PRKCA: variants seen among roughly 807,000 people sequenced by gnomAD.
PRKCA encodes protein kinase C alpha.
In PRKCA, 27 loss-of-function variants were observed where a neutral mutation model predicts 87.0. That is an observed-to-expected ratio of 0.31 (90% confidence interval 0.23 to 0.43). PRKCA has a LOEUF of 0.43. Among genes scored for constraint, PRKCA ranks in the 20% least tolerant of loss-of-function variants. The pLI, the probability that PRKCA is intolerant of heterozygous loss-of-function variation, is 1.00. For synonymous variants in PRKCA, 329 were observed against 311.1 expected, an observed-to-expected ratio of 1.06 and a Z score of -0.61; for missense variants, 518 against 852.3, an observed-to-expected ratio of 0.61 and a Z score of 4.88.
chr17:66,795,150 T>C (rs1424667192), intron 16 of PRKCA, among the ~76,000 whole-genome samples: 1 of 152,216 alleles, frequency 6.6e-6, no homozygotes, highest in East Asian at 1.9e-4. Flanking sequence ...GGACATCTCC[T>C]GGTACTATGT....
chr17:66,604,298 T>C (rs1444615410), intron 3 of PRKCA, among the ~76,000 whole-genome samples: 1 of 152,128 alleles, frequency 6.6e-6, no homozygotes, highest in African/African-American at 2.4e-5. Context: ...ATAATAAACA[T>C]TTTCTTAAAC....
At chr17:66,496,480 G>A (rs72842166) in intron 3 of PRKCA, among the ~76,000 whole-genome samples, 197 bp downstream of exon 3, 21,295 of 152,218 alleles carry the variant, frequency 0.14, 1,795 homozygotes, top group East Asian at 0.3. Context: ...TTTCTCAGAG[G>A]AGAATTTCTT....
At chr17:66,324,566 T>C (rs555746838) in intron 2 of PRKCA, among the ~76,000 whole-genome samples, 2 of 152,178 alleles carry the variant, frequency 1.3e-5, no homozygotes, top group African/African-American at 4.8e-5. Flanking sequence ...TGAGCTGGGA[T>C]TGTGCCACTG....
chr17:66,595,221 A>ATGG (rs922341208), intron 3 of PRKCA, among the ~76,000 whole-genome samples: 1 of 151,988 alleles, frequency 6.6e-6, no homozygotes, highest in African/African-American at 2.4e-5. Context: ...AGGCTGGAGT[A>ATGG]TGGTGGTGTG....
At chr17:66,685,349 G>T (rs375847664) in intron 5 of PRKCA, among the ~76,000 whole-genome samples, 1 of 152,162 alleles carries the variant, frequency 6.6e-6, no homozygotes, top group Non-Finnish European at 1.5e-5. Context: ...GGCAGAGTTT[G>T]CATGTACACC....
intron 2 of PRKCA, among the ~76,000 whole-genome samples, chr17:66,422,578 G>A (rs958144246): frequency 6.6e-6 from 1 of 152,168 alleles, no homozygotes; most frequent in Non-Finnish European, 1.5e-5. Context: ...TGGCTTCAGG[G>A]CTCTGTGCAA....
intron 3 of PRKCA, among the ~76,000 whole-genome samples, chr17:66,624,892 G>C (rs987856697): frequency 6.6e-6 from 1 of 152,070 alleles, no homozygotes; most frequent in African/African-American, 2.4e-5. Flanking sequence ...GAAATTTAAA[G>C]AATTCATTAG....
intron 5 of PRKCA, among the ~76,000 whole-genome samples, chr17:66,656,265 TA>T (rs1200364879): frequency 1.7e-4 from 26 of 152,334 alleles, no homozygotes; most frequent in Admixed American, 1.2e-3. Context: ...AGATTCTTTA[TA>T]GGGTCATCAG....
chr17:66,521,325 A>G (rs1279690179), intron 3 of PRKCA, among the ~76,000 whole-genome samples: 1 of 152,220 alleles, frequency 6.6e-6, no homozygotes, highest in African/African-American at 2.4e-5. Flanking sequence ...GTAAAGTATA[A>G]TGACCATAAA....
intron 3 of PRKCA, among the ~76,000 whole-genome samples, chr17:66,617,415 T>A (rs1396717455): frequency 6.6e-6 from 1 of 152,118 alleles, no homozygotes; most frequent in Admixed American, 6.5e-5. Context: ...GCTTCGTGGA[T>A]ATCAAAGGGG....
chr17:66,447,777 A>T (rs774553867), intron 2 of PRKCA, among the ~76,000 whole-genome samples: 13 of 151,986 alleles, frequency 8.6e-5, no homozygotes, highest in Non-Finnish European at 1.5e-5. Flanking sequence ...TTCCAGTTTC[A>T]CCTGGGGCTA....
chr17:66,798,300 A>G (rs1241183438), intron 16 of PRKCA, among the ~76,000 whole-genome samples: 3 of 151,162 alleles, frequency 2.0e-5, no homozygotes, highest in African/African-American at 7.3e-5. Context: ...TTAGGAATGC[A>G]GTACCTTCTT....
At chr17:66,594,219 C>T (rs1255535892) in intron 3 of PRKCA, among the ~76,000 whole-genome samples, 2 of 152,222 alleles carry the variant, frequency 1.3e-5, no homozygotes, top group African/African-American at 4.8e-5. Flanking sequence ...TCCAAGGACA[C>T]TGTGGGAAGA....
chr17:66,346,096 CTTT>C (rs1166100613), intron 2 of PRKCA, among the ~76,000 whole-genome samples: 5 of 133,316 alleles, frequency 3.8e-5, no homozygotes, highest in Non-Finnish European at 8.0e-5. Flanking sequence ...TCTTTTTTTG[CTTT>C]TTTTTTTTTT....
rs12940730 is a variant in PRKCA at position 66,566,479 on chromosome 17, G to T, written c.288+70196G>T. Among the ~76,000 whole-genome samples, 468 of 74,626 alleles carry T rather than the reference G, an allele frequency of 6.3e-3. 9 individuals are homozygous for T. Among genetic ancestry groups the T allele is most frequent in the African/African-American group, 0.012 (260 of 21,380 alleles). 49.0% of individuals were successfully genotyped at this position (74,626 alleles called of 152,430 possible). On this transcript the variant is annotated intron_variant, in intron 3 of 16. Coordinates refer to ENST00000413366, the MANE Select transcript of PRKCA (RefSeq NM_002737.3). ...TTGTGAAGAACTGTTGTTGTTTTTTGGTTTTTTTTTTTTTTTTTTTTTTGC... is the reference window on the plus strand; with the variant it reads ...TTGTGAAGAACTGTTGTTGTTTTTTTGTTTTTTTTTTTTTTTTTTTTTTGC...
intron 3 of PRKCA, among the ~76,000 whole-genome samples, chr17:66,508,874 A>G (rs1488944773): frequency 6.6e-6 from 1 of 152,046 alleles, no homozygotes; most frequent in Non-Finnish European, 1.5e-5. Context: ...TAATGTGATT[A>G]TGCACTCTCT....
At chr17:66,546,063 A>T (rs942695731) in intron 3 of PRKCA, among the ~76,000 whole-genome samples, 2 of 152,224 alleles carry the variant, frequency 1.3e-5, no homozygotes, top group Admixed American at 1.3e-4. Context: ...CGAGTTTCAT[A>T]TAGACAGTAT....
chr17:66,533,247 C>T (rs1474746952), intron 3 of PRKCA, among the ~76,000 whole-genome samples: 1 of 152,224 alleles, frequency 6.6e-6, no homozygotes, highest in East Asian at 1.9e-4. Flanking sequence ...CCCATCACGT[C>T]TTCTCTTAAC....
At chr17:66,802,625 A>G (rs1322793765) in intron 16 of PRKCA, among the ~76,000 whole-genome samples, 1 of 152,140 alleles carries the variant, frequency 6.6e-6, no homozygotes, top group Non-Finnish European at 1.5e-5. Context: ...ACTGCCTTAT[A>G]AAAACACTAG....
Sources: gnomAD v4.1 joint callset for allele counts (sites outside exome capture counted in the v4.1 genomes callset) on GRCh38, gnomAD v4.1.1 for gene constraint, MANE v1.5 for transcripts, NCBI Gene and HGNC (gene_info 2026-07-23, HGNC 2026-07-21) for gene names.